Variants in FLT4 observed in about 807,000 individuals in gnomAD.
FLT4 encodes the protein fms related receptor tyrosine kinase 4, also known as vascular endothelial growth factor receptor 3.
In FLT4, 30 loss-of-function variants were observed where a neutral mutation model predicts 163.2. That is an observed-to-expected ratio of 0.18 (90% CI 0.14 to 0.25). FLT4 has a LOEUF of 0.25. Among genes scored for constraint, FLT4 ranks in the 10% least tolerant of loss-of-function variants. FLT4 has a pLI of 1.00. For synonymous variants in FLT4, 884 were observed against 789.5 expected (o/e 1.12, Z -2.01); for missense variants, 1,510 against 1,863.8 (o/e 0.81, Z 3.50).
At chr5:180,621,393 CGCAGGGGGCGGCGGATAG>C in intron 13 of FLT4, 131 bp downstream of exon 13, 1 of 1,418,584 alleles carries the variant, frequency 7.0e-7, no homozygotes, top group South Asian at 1.4e-5. Flanking sequence ...GGCGCGCCTC[CGCAGGGGGCGGCGGATAG>C]TCAGGAGGGG....
At chr5:180,613,996 C>G in intron 24 of FLT4, 72 bp downstream of exon 24, 1 of 1,037,474 alleles carries the variant, frequency 9.6e-7, no homozygotes, top group Non-Finnish European at 1.5e-6. Flanking sequence ...CTTACTCCAG[C>G]AGGGGCGGTC....
At position 180,621,098 on chromosome 5, in the gene FLT4, C is replaced by A; in HGVS notation, c.2167+8G>T. 1 of 1,612,806 alleles carries A rather than the reference C, an allele frequency of 6.2e-7. No individual in the cohort carries two copies. The highest frequency in any genetic ancestry group is 2.2e-5 in the East Asian group (1 of 44,860). ...GGACCTGCCCTTCGCCAGGGCCACCCTCCCTACCAGACTTTTCCTCCAGCA... is the reference window on the plus strand; with the variant it reads ...GGACCTGCCCTTCGCCAGGGCCACCATCCCTACCAGACTTTTCCTCCAGCA... On this transcript the variant is annotated splice_region_variant and intron_variant, in intron 14 of 29. Transcript: ENST00000261937.
intron 1 of FLT4, among the ~76,000 whole-genome samples, chr5:180,632,133 C>T (rs945205875): frequency 2.3e-4 from 35 of 152,282 alleles, no homozygotes; most frequent in Non-Finnish European, 1.2e-4. Flanking sequence ...CTCCACATCA[C>T]GGCCCCTGCA....
chr5:180,645,901 C>A (rs1052890171), intron 1 of FLT4, among the ~76,000 whole-genome samples: 7 of 152,168 alleles, frequency 4.6e-5, no homozygotes, highest in Non-Finnish European at 8.8e-5. Context: ...CTCCAGACCC[C>A]TCTCCCTGCC....
intron 1 of FLT4, among the ~76,000 whole-genome samples, chr5:180,641,809 T>C (rs1460275341): frequency 6.6e-6 from 1 of 152,208 alleles, no homozygotes; most frequent in African/African-American, 2.4e-5. Flanking sequence ...TGCTGTATGG[T>C]CTTGGGCAAA....
rs745384892 is a variant in FLT4, at chr5:180,619,235, G to C, written c.2761+18C>G. On this transcript the variant is annotated intron_variant, in intron 19 of 29. Transcript: ENST00000261937. ...GCGCCCGGGGTCTCGCCGTCCCAGC[G>C]GGCCGCCCGCTCCGTACCCTGCGGC... 2 of 1,574,962 alleles carry C rather than the reference G, an allele frequency of 1.3e-6. No homozygotes were observed. The highest frequency in any genetic ancestry group is 1.7e-6 in the Non-Finnish European group (2 of 1,160,008).
At chr5:180,612,786 G>A (rs759802946) in intron 25 of FLT4, among the ~76,000 whole-genome samples, 175 bp from the exon 26 acceptor site, 6 of 151,986 alleles carry the variant, frequency 3.9e-5, no homozygotes, top group Non-Finnish European at 8.8e-5. Flanking sequence ...TCCCCTCCTG[G>A]TGATGCTTTC....
In FLT4 at chr5:180,625,897, G is replaced by A. The variant is rs2127826554; in HGVS notation, c.1393C>T (p.Pro465Ser). ...SIQWHWRPWTPCKMFAQRSLR... is the reference protein window; with the variant it reads ...SIQWHWRPWTSCKMFAQRSLR... The stretch of plus-strand genomic sequence containing the variant: ...CTACGCTGGGCAAACATCTTGCAGG[G>A]TGTCCAGGGCCGCCAGTGCCACTGG... The change falls in exon 10 of 30, where the codon CCC becomes TCC. Residue 465 changes from proline (P) to serine (S), a missense_variant. Transcript: ENST00000261937. 1.2e-6 allele frequency: 2 copies of A among 1,612,194 alleles called. No homozygotes were observed. The highest frequency in any genetic ancestry group is 1.7e-6 in the Non-Finnish European group (2 of 1,179,946).
intron 1 of FLT4, among the ~76,000 whole-genome samples, chr5:180,648,466 G>A (rs1336948365): frequency 6.6e-6 from 1 of 152,214 alleles, no homozygotes; most frequent in Non-Finnish European, 1.5e-5. Flanking sequence ...AGCATGTAAA[G>A]CCAGTATTTA....
intron 29 of FLT4, chr5:180,608,332 T>C: frequency 1.4e-6 from 1 of 700,870 alleles, no homozygotes. Flanking sequence ...TGCTTCACCT[T>C]ATCAATCACT....
intron 17 of FLT4, 43 bp from the exon 18 acceptor site, chr5:180,619,812 G>A: frequency 6.8e-7 from 1 of 1,465,976 alleles, no homozygotes; most frequent in Non-Finnish European, 9.5e-7. Context: ...TGTACGGGGT[G>A]AGCGTGGAGA....
At chr5:180,625,280 C>T (rs1763513651) in intron 10 of FLT4, among the ~76,000 whole-genome samples, 1 of 152,242 alleles carries the variant, frequency 6.6e-6, no homozygotes, top group African/African-American at 2.4e-5. Context: ...TCTAAATGTC[C>T]TGCTGGCATC....
At chr5:180,633,534 G>A (rs1764330349) in intron 1 of FLT4, among the ~76,000 whole-genome samples, 1 of 152,194 alleles carries the variant, frequency 6.6e-6, no homozygotes, top group African/African-American at 2.4e-5. Flanking sequence ...CCCGTAGCTT[G>A]CACCCCTGGG....
At chr5:180,632,370 G>A (rs1029307042) in intron 1 of FLT4, among the ~76,000 whole-genome samples, 7 of 151,472 alleles carry the variant, frequency 4.6e-5, no homozygotes, top group Non-Finnish European at 7.4e-5. Context: ...TCAGCTTCTC[G>A]CACCCTCACA....
In FLT4 at chr5:180,612,623, C is replaced by T. The variant is rs375051129; in HGVS notation, c.3432-12G>A. 1.3e-4 allele frequency: 210 copies of T among 1,601,438 alleles called. 4 individuals carry two copies. In the South Asian group the frequency reaches 1.8e-3, roughly 14 times the overall value. ...GCATGATGCGGCGTCTGCAGGATCACGTGGGCTGCTGGACTGCATGCACCC... is the reference window on the plus strand; with the variant it reads ...GCATGATGCGGCGTCTGCAGGATCATGTGGGCTGCTGGACTGCATGCACCC... On this transcript the variant is annotated splice_polypyrimidine_tract_variant and intron_variant, in intron 25 of 29. Coordinates refer to ENST00000261937, the MANE Select transcript of FLT4 (RefSeq NM_182925.5).
chr5:180,644,823 AGT>A (rs1471833261), intron 1 of FLT4, among the ~76,000 whole-genome samples: 3 of 152,262 alleles, frequency 2.0e-5, no homozygotes, highest in Admixed American at 2.0e-4. Flanking sequence ...CTTCGAGGAC[AGT>A]GTGTTGAGTT....
At position 180,621,680 on chromosome 5, in the gene FLT4, C is replaced by A; in HGVS notation, c.1882G>T (p.Ala628Ser). The A allele has an allele frequency of 2.5e-6, 4 of 1,611,298 alleles. No homozygotes were observed. Among genetic ancestry groups the A allele is most frequent in the Non-Finnish European group, 3.4e-6 (4 of 1,178,910 alleles). Residue 628 changes from alanine to serine, a missense_variant, in exon 13 of 30, where the codon GCA becomes TCA. Around this residue, in one of 5 missense-constraint regions of FLT4, gnomAD observed 878 missense variants for 1,016.7 expected, o/e 0.86. Coordinates refer to ENST00000261937, the MANE Select transcript of FLT4 (RefSeq NM_182925.5). ...TPLAASLEEV[A>S]PGARHATLSL... ...AGCGTGGCGTGGCGCGCCCCAGGTG[C>A]CACCTCCTCCAGGCTGGCGGCCAGA...
At position 180,616,494 on chromosome 5, in the gene FLT4, G is replaced by C. The variant is rs1306005234; in HGVS notation, c.3097-5C>G. On this transcript the variant is annotated splice_polypyrimidine_tract_variant and splice_region_variant and intron_variant, in intron 22 of 29. Transcript: ENST00000261937. ...AGCCAGGTCTCTGTGGATGCACTGG[G>C]GTGCGGGGAGGCGGCAGGGGGGCTG... 3 of 1,613,486 alleles carry C rather than the reference G, an allele frequency of 1.9e-6. No individual in the cohort carries two copies. The highest frequency in any genetic ancestry group is 2.5e-6 in the Non-Finnish European group (3 of 1,179,962).
intron 1 of FLT4, among the ~76,000 whole-genome samples, chr5:180,645,828 T>C (rs1377597981): frequency 1.3e-5 from 2 of 152,132 alleles, no homozygotes. Flanking sequence ...AACTCAGGAA[T>C]CCCTGGCTCC....
Sources: gnomAD v4.1 joint callset for allele counts (sites outside exome capture counted in the v4.1 genomes callset) on GRCh38, gnomAD v4.1.1 for gene constraint, gnomAD v4.1.1 regional missense constraint, MANE v1.5 for transcripts, NCBI Gene and HGNC (gene_info 2026-07-23, HGNC 2026-07-21) for gene names.